MLXIPL: variants seen among roughly 807,000 people sequenced by gnomAD.
MLXIPL encodes the protein carbohydrate-responsive element-binding protein.
In MLXIPL, 49 loss-of-function variants were observed where a neutral mutation model predicts 81.5. That is an observed-to-expected ratio of 0.60 (90% CI 0.48 to 0.76). The LOEUF is 0.76. MLXIPL is among the 30% of genes least tolerant of loss of function. MLXIPL has a pLI of 0.00. For synonymous variants in MLXIPL, 466 were observed against 485.5 expected (o/e 0.96, Z 0.53); for missense variants, 1,053 against 1,167.0 (o/e 0.90, Z 1.42).
In MLXIPL at chr7:73,607,646, A is replaced by C; in HGVS notation, c.427T>G (p.Cys143Gly). Residue 143 changes from cysteine to glycine, a missense_variant, in exon 3 of 17, where the codon TGT becomes GGT. By Grantham distance (159) the Cys-to-Gly change is radical. Transcript: ENST00000313375. ...CCCTGCAGGGGGGTCACGAAGCCAC[A>C]CACGGGGCTCTTCCTCCGCTTCACA... ...QYVKRRKSPV[C>G]GFVTPLQGPE... The C allele has an allele frequency of 6.2e-7, 1 of 1,613,394 alleles. No homozygotes were observed. The highest frequency in any genetic ancestry group is 8.5e-7 in the Non-Finnish European group (1 of 1,179,980).
At chr7:73,627,753 A>G (rs566486019), upstream of MLXIPL, among the ~76,000 whole-genome samples, 3 of 152,168 alleles carry the variant, frequency 2.0e-5, no homozygotes, top group African/African-American at 7.2e-5. Flanking sequence ...GACTAAGAGG[A>G]GCGGGTGGGG....
the MLXIPL span, among the ~76,000 whole-genome samples, chr7:73,633,367 T>TG: frequency 6.7e-6 from 1 of 148,354 alleles, no homozygotes; most frequent in Admixed American, 6.8e-5. Context: ...TTTTTTAAGA[T>TG]GAAGTCTCAC....
At chr7:73,605,603 T>G in intron 7 of MLXIPL, 85 bp downstream of exon 7, 1 of 1,279,248 alleles carries the variant, frequency 7.8e-7, no homozygotes, top group Non-Finnish European at 1.1e-6. Context: ...CTATCAGCCC[T>G]CCCAGAGGGG....
intron 8 of MLXIPL, among the ~76,000 whole-genome samples, 156 bp from the exon 9 acceptor site, chr7:73,597,869 A>G (rs575201946): frequency 6.6e-6 from 1 of 152,244 alleles, no homozygotes; most frequent in African/African-American, 2.4e-5. Flanking sequence ...CAACACACAC[A>G]GGTGTGCGAA....
chr7:73,603,155 C>T (rs971832647), intron 7 of MLXIPL, among the ~76,000 whole-genome samples: 3 of 152,166 alleles, frequency 2.0e-5, no homozygotes, highest in African/African-American at 4.8e-5. Context: ...CCAGCCAGAC[C>T]TCCCCAGTGG....
intron 5 of MLXIPL, 133 bp from the exon 6 acceptor site, chr7:73,606,244 G>A: frequency 1.1e-6 from 1 of 944,992 alleles, no homozygotes; most frequent in Non-Finnish European, 1.6e-6. Context: ...CCTTTCCCTA[G>A]TGGACCTAGC....
chr7:73,600,651 G>T (rs185568727), intron 7 of MLXIPL, among the ~76,000 whole-genome samples: 2,123 of 122,414 alleles, frequency 0.017, 136 homozygotes, highest in African/African-American at 0.067. Context: ...AGTGGGGTGG[G>T]GGCGAGAGGG....
Position 73,596,968 on chromosome 7 carries a change from G to A in MLXIPL, c.1604-36C>T, listed in dbSNP as rs782014057. 11 of 1,593,744 alleles carry A rather than the reference G, an allele frequency of 6.9e-6. No individual in the cohort carries two copies. The highest frequency in any genetic ancestry group is 9.4e-6 in the Non-Finnish European group (11 of 1,172,132). On this transcript the variant is annotated intron_variant, in intron 9 of 16. Transcript: ENST00000313375. This position sits in a 1 kb window ranked among gnomAD's most constrained non-coding sequence, Gnocchi z 4.7. ...GCAGAACCGTGAGGCTACTGGGGCTGGCCCACCCCCGGCATCTATCAAGAC... is the reference window on the plus strand; with the variant it reads ...GCAGAACCGTGAGGCTACTGGGGCTAGCCCACCCCCGGCATCTATCAAGAC...
intron 7 of MLXIPL, among the ~76,000 whole-genome samples, chr7:73,600,894 C>T (rs1023803619): frequency 2.6e-5 from 4 of 151,930 alleles, no homozygotes; most frequent in East Asian, 1.9e-4. Flanking sequence ...GACCACATCC[C>T]GGGCCTGGGC....
At chr7:73,605,270 C>A (rs1795185423) in intron 7 of MLXIPL, among the ~76,000 whole-genome samples, 1 of 151,966 alleles carries the variant, frequency 6.6e-6, no homozygotes, top group African/African-American at 2.4e-5. Flanking sequence ...CAGAAACCAC[C>A]CAGACCTGCC....
intron 1 of MLXIPL, 81 bp from the exon 2 acceptor site, chr7:73,616,258 C>T (rs1375753429): frequency 4.0e-6 from 5 of 1,250,752 alleles, no homozygotes; most frequent in Non-Finnish European, 5.8e-6. Flanking sequence ...ATGCACTAGG[C>T]ATCCATCTAT....
chr7:73,624,728 G>C (rs546161511), upstream of MLXIPL, among the ~76,000 whole-genome samples: 1 of 152,150 alleles, frequency 6.6e-6, no homozygotes, highest in Non-Finnish European at 1.5e-5. Context: ...TTGGAGTCCT[G>C]ATAGAGCCGC....
chr7:73,615,316 T>C (rs558269575), intron 2 of MLXIPL, among the ~76,000 whole-genome samples: 1 of 152,276 alleles, frequency 6.6e-6, no homozygotes, highest in African/African-American at 2.4e-5. Flanking sequence ...AGGACTTCAA[T>C]GAAAGGCTGG....
chr7:73,602,923 C>T (rs1294045572), intron 7 of MLXIPL, among the ~76,000 whole-genome samples: 1 of 152,210 alleles, frequency 6.6e-6, no homozygotes, highest in African/African-American at 2.4e-5. Flanking sequence ...CACCAGCCAC[C>T]CGCTTACCAT....
intron 7 of MLXIPL, among the ~76,000 whole-genome samples, chr7:73,600,475 T>G (rs1584089907): frequency 6.3e-5 from 2 of 31,802 alleles, no homozygotes; most frequent in Non-Finnish European, 1.1e-4. Flanking sequence ...GGCCTAAGGG[T>G]GGGTTCTGAG....
chr7:73,609,268 G>A (rs1255506790), intron 2 of MLXIPL: 4 of 126,560 alleles, frequency 3.2e-5, no homozygotes, highest in African/African-American at 1.2e-4. Flanking sequence ...TTTTGAGATG[G>A]CGTTTCACTC....
the MLXIPL span, among the ~76,000 whole-genome samples, chr7:73,640,708 C>T: frequency 9.4e-4 from 134 of 142,092 alleles, no homozygotes; most frequent in Admixed American, 2.6e-3. Flanking sequence ...ATCCGGGAGG[C>T]GGAGGTTGCA....
upstream of MLXIPL, among the ~76,000 whole-genome samples, chr7:73,626,242 C>T (rs1796736396): frequency 6.6e-6 from 1 of 152,020 alleles, no homozygotes; most frequent in Admixed American, 6.6e-5. Flanking sequence ...GACCTTAAAG[C>T]GATTTGCCCA....
chr7:73,646,102 A>C, the MLXIPL span, among the ~76,000 whole-genome samples: 1 of 152,094 alleles, frequency 6.6e-6, no homozygotes, highest in African/African-American at 2.4e-5. Flanking sequence ...GAGAGTGAGG[A>C]CTGCACTAAT....
Sources: allele counts gnomAD v4.1 joint callset (sites outside exome capture counted in the v4.1 genomes callset), GRCh38; gene constraint gnomAD v4.1.1; non-coding constraint Gnocchi (gnomAD v3.1); transcripts MANE v1.5; gene names NCBI Gene and HGNC (gene_info 2026-07-23, HGNC 2026-07-21).